E2F3: variants seen among roughly 807,000 people sequenced by gnomAD.
E2F3 encodes the protein E2F transcription factor 3.
In E2F3, 11 loss-of-function variants were observed where a neutral mutation model predicts 44.4. The observed-to-expected ratio is 0.25, with a 90% CI of 0.16 to 0.41. The LOEUF (loss-of-function observed/expected upper bound fraction) is 0.41, where lower values mean the gene tolerates loss of function less well. E2F3 is among the 10% of genes least tolerant of loss of function. E2F3 has a pLI of 1.00. For missense variants in E2F3, 487 were observed against 583.6 expected, an observed-to-expected ratio of 0.83 and a Z score of 1.70; for synonymous variants, 249 against 253.0, an observed-to-expected ratio of 0.98 and a Z score of 0.15.
At chr6:20,454,077 CTT>C (rs1761230019) in intron 1 of E2F3, among the ~76,000 whole-genome samples, 1 of 152,240 alleles carries the variant, frequency 6.6e-6, no homozygotes, top group Non-Finnish European at 1.5e-5. Flanking sequence ...GTATTTGTCT[CTT>C]TATCACAAAG....
chr6:20,479,811 G>T lies in E2F3; in HGVS notation c.394-35G>T. 4 of 1,569,158 alleles carry T rather than the reference G, an allele frequency of 2.5e-6. No homozygotes were observed. In the South Asian group the frequency reaches 4.6e-5, roughly 18 times the overall value. ...CCTCCCTTCTTGTTCTTGTCCATAT[G>T]ACCGGTGACGAGAGATCGCACTTTC... On this transcript the variant is annotated intron_variant, in intron 1 of 6. Coordinates refer to ENST00000346618, the MANE Select transcript of E2F3 (RefSeq NM_001949.5).
chr6:20,445,106 G>A (rs914861783), intron 1 of E2F3: 21 of 985,316 alleles, frequency 2.1e-5, no homozygotes, highest in Non-Finnish European at 2.5e-5. Context: ...AGTCGAGAGC[G>A]GGTCATGGTG....
intron 1 of E2F3, among the ~76,000 whole-genome samples, chr6:20,467,061 C>G (rs1172618625): frequency 2.0e-5 from 3 of 152,120 alleles, no homozygotes; most frequent in Admixed American, 6.6e-5. Flanking sequence ...ACTCTTCCCC[C>G]CTACCCTTCA....
intron 4 of E2F3, among the ~76,000 whole-genome samples, chr6:20,486,398 G>A (rs529090568): frequency 1.4e-3 from 213 of 152,164 alleles, no homozygotes; most frequent in African/African-American, 4.7e-3. Flanking sequence ...TCAGCCTCCC[G>A]AGTAGCTGGG....
intron 1 of E2F3, among the ~76,000 whole-genome samples, chr6:20,438,194 C>T (rs1462823590): frequency 6.6e-6 from 1 of 152,180 alleles, no homozygotes; most frequent in African/African-American, 2.4e-5. Flanking sequence ...ATTTACCTTA[C>T]ACAGTCGTGA....
intron 1 of E2F3, among the ~76,000 whole-genome samples, chr6:20,450,256 CT>C (rs990240920): frequency 4.6e-5 from 7 of 151,560 alleles, no homozygotes; most frequent in African/African-American, 9.7e-5. Context: ...ATGTATAAGC[CT>C]TTTTTTTGGC....
chr6:20,480,078 T>C, intron 2 of E2F3, 121 bp downstream of exon 2: 1 of 1,439,196 alleles, frequency 6.9e-7, no homozygotes, highest in South Asian at 1.5e-5. Flanking sequence ...CTTTTTCATT[T>C]CTTTCTGTGC....
chr6:20,418,810 C>T (rs1759932604), intron 1 of E2F3, among the ~76,000 whole-genome samples: 1 of 151,582 alleles, frequency 6.6e-6, no homozygotes, highest in African/African-American at 2.4e-5. Context: ...TTCCATGACT[C>T]TGGTGTGAAA....
In E2F3 at chr6:20,488,094, C is replaced by G. The variant is rs772724886; in HGVS notation, c.1000-19C>G. ...CTAAAAGAACTTCTGATTCGAACTT[C>G]TCCCACTTCTGTTCATAGAGCCTAC... On this transcript the variant is annotated intron_variant, in intron 5 of 6. Coordinates refer to ENST00000346618, the MANE Select transcript of E2F3 (RefSeq NM_001949.5). 1 of 1,612,144 alleles carries G rather than the reference C, an allele frequency of 6.2e-7. No individual in the cohort carries two copies. Among genetic ancestry groups the G allele is most frequent in the African/African-American group, 1.3e-5 (1 of 74,816 alleles).
At position 20,476,274 on chromosome 6, in the gene E2F3, G is replaced by A. The variant is rs184894294; in HGVS notation, c.394-3572G>A. Among the ~76,000 whole-genome samples, 608 of 152,252 alleles carry A rather than the reference G, an allele frequency of 4.0e-3. 2 individuals carry two copies. The highest frequency in any genetic ancestry group is 0.014 in the African/African-American group (589 of 41,548). Reference sequence around the variant, plus strand: ...TAGTCCCAGCTACTCGAGAGGCTGAGGCAGGAGAATGGCATGAACCCGGGA... The same window carrying A: ...TAGTCCCAGCTACTCGAGAGGCTGAAGCAGGAGAATGGCATGAACCCGGGA... On this transcript the variant is annotated intron_variant, in intron 1 of 6. Transcript: ENST00000346618.
chr6:20,444,049 A>C (rs1194529016), intron 1 of E2F3, among the ~76,000 whole-genome samples: 1 of 151,214 alleles, frequency 6.6e-6, no homozygotes, highest in Non-Finnish European at 1.5e-5. Context: ...AGGTCTCTAC[A>C]AAAAAAAATT....
rs1007305365 is a variant in E2F3 at position 20,436,476 on chromosome 6, C to G, written c.393+33851C>G. ...AAACACACACACACACACACACACA[C>G]ACAGAGAGAGAGAGAGAGAAAAATT... On this transcript the variant is annotated intron_variant, in intron 1 of 6. Transcript: ENST00000346618. Among the ~76,000 whole-genome samples, 944 of 128,788 alleles carry G rather than the reference C, an allele frequency of 7.3e-3. 9 individuals carry two copies. Among genetic ancestry groups the G allele is most frequent in the African/African-American group, 0.026 (901 of 34,386 alleles). 84.5% of individuals were successfully genotyped at this position (128,788 alleles called of 152,430 possible).
intron 1 of E2F3, among the ~76,000 whole-genome samples, chr6:20,432,528 C>T (rs982492633): frequency 2.0e-5 from 3 of 152,150 alleles, no homozygotes; most frequent in Non-Finnish European, 4.4e-5. Flanking sequence ...TTAGGGAAAG[C>T]GTACTTCTTC....
At chr6:20,485,720 A>G (rs968112185) in intron 4 of E2F3, among the ~76,000 whole-genome samples, 2 of 152,234 alleles carry the variant, frequency 1.3e-5, no homozygotes, top group Admixed American at 1.3e-4. Flanking sequence ...ATATTGATAG[A>G]GTTAATATAG....
chr6:20,445,182 C>T, intron 1 of E2F3: 1 of 957,506 alleles, frequency 1.0e-6, no homozygotes, highest in Non-Finnish European at 1.2e-6. Context: ...TAGAATACTA[C>T]CAACATCATC....
intron 1 of E2F3, 53 bp from the exon 2 acceptor site, chr6:20,479,793 T>G (rs1762161457): frequency 4.6e-6 from 7 of 1,522,458 alleles, no homozygotes; most frequent in Non-Finnish European, 6.3e-6. Context: ...CTGCCTCCCT[T>G]CTTGTTCTTG....
At chr6:20,408,969 C>T (rs1044219665) in intron 1 of E2F3, among the ~76,000 whole-genome samples, 3 of 152,186 alleles carry the variant, frequency 2.0e-5, no homozygotes, top group Non-Finnish European at 4.4e-5. Flanking sequence ...CAAGAGTCCT[C>T]ATCTGCCCAA....
rs184907799 is a variant in E2F3 at position 20,487,681 on chromosome 6, C to G, written c.1000-432C>G. Among the ~76,000 whole-genome samples the G allele has an allele frequency of 4.7e-3, 711 of 152,302 alleles. 4 individuals are homozygous for G. The highest frequency in any genetic ancestry group is 6.6e-3 in the Non-Finnish European group (449 of 68,022). On this transcript the variant is annotated intron_variant, in intron 5 of 6. Coordinates refer to ENST00000346618, the MANE Select transcript of E2F3 (RefSeq NM_001949.5). ...ATTTTCAGAATGACTCCCCTCTCCC[C>G]CAAGCCCCACTAAAATAGTTTTCTT...
intron 1 of E2F3, among the ~76,000 whole-genome samples, chr6:20,478,607 G>A (rs937952563): frequency 2.0e-5 from 3 of 152,174 alleles, no homozygotes; most frequent in East Asian, 1.9e-4. Context: ...TCAGGACTTC[G>A]AGACCAGCCT....
Sources: allele counts gnomAD v4.1 joint callset (sites outside exome capture counted in the v4.1 genomes callset), GRCh38; gene constraint gnomAD v4.1.1; transcripts MANE v1.5; gene names NCBI Gene and HGNC (gene_info 2026-07-23, HGNC 2026-07-21).